ZNF319: variants seen among roughly 807,000 people sequenced by gnomAD.
ZNF319 encodes the protein zinc finger protein 319.
Under a neutral mutation model 46.0 loss-of-function variants are expected in ZNF319, and 15 were observed. That is an observed-to-expected ratio of 0.33 (90% confidence interval 0.22 to 0.50). ZNF319 has a LOEUF of 0.50. ZNF319 is among the 20% of genes least tolerant of loss of function. The probability of loss-of-function intolerance (pLI) is 0.98; values close to 1 mark genes in which losing one functional copy is unlikely to be tolerated. For missense variants in ZNF319, 635 were observed against 807.0 expected (o/e 0.79, Z 2.58); for synonymous variants, 368 against 364.0 (o/e 1.01, Z -0.13).
In ZNF319 at chr16:57,996,596, A is replaced by G; in HGVS notation, c.1670T>C (p.Leu557Ser). The part of the protein sequence containing the change: ...CGERFLDVAL[L>S]QEHSAQHSAA... ...ACTGTGCTGCGCGCTGTGCTCCTGC[A>G]ACAAGGCCACGTCTAGGAAGCGCTC... The change falls in exon 2 of 2, where the codon TTG becomes TCG. Residue 557 changes from leucine (L) to serine (S), a missense_variant. This residue lies in a region of ZNF319 where 270 missense variants were observed against 281.4 expected (regional missense o/e 0.96). Coordinates refer to ENST00000299237, the MANE Select transcript of ZNF319 (RefSeq NM_020807.3). The G allele has an allele frequency of 6.2e-7, 1 of 1,604,434 alleles. No homozygotes were observed. Among genetic ancestry groups the G allele is most frequent in the East Asian group, 2.2e-5 (1 of 44,774 alleles).
Position 57,998,176 on chromosome 16 carries a change from G to T in ZNF319, c.90C>A (p.Ala30=). 1 of 1,564,106 alleles carries T rather than the reference G, an allele frequency of 6.4e-7. No homozygotes were observed. The highest frequency in any genetic ancestry group is 1.2e-5 in the South Asian group (1 of 83,128). Residue 30 remains alanine (A), a synonymous_variant, in exon 2 of 2, where the codon GCC becomes GCA. Coordinates refer to ENST00000299237, the MANE Select transcript of ZNF319 (RefSeq NM_020807.3). ...QPQHHAEPPP[A]LAEHTLPPGT... ...CCGGAGGCAGCGTGTGCTCTGCCAG[G>T]GCTGGCGGTGGCTCTGCATGGTGCT...
In ZNF319 at chr16:57,997,263, G is replaced by A. The variant is rs1295067826; in HGVS notation, c.1003C>T (p.Arg335Cys). ...KRPSDLRQHE[R>C]THSAERPFKC... ...AAGGGCCGCTCGGCGCTGTGTGTGC[G>A]CTCATGCTGCCGCAGGTCCGAGGGC... Residue 335 changes from arginine (R) to cysteine (C), a missense_variant, in exon 2 of 2, where the codon CGC becomes TGC. By Grantham distance (180) the Arg-to-Cys change is radical. Coordinates refer to ENST00000299237, the MANE Select transcript of ZNF319 (RefSeq NM_020807.3). 1 of 1,611,286 alleles carries A rather than the reference G, an allele frequency of 6.2e-7. No homozygotes were observed. The highest frequency in any genetic ancestry group is 8.5e-7 in the Non-Finnish European group (1 of 1,179,860).
At position 57,997,943 on chromosome 16, in the gene ZNF319, T is replaced by A; in HGVS notation, c.323A>T (p.Gln108Leu). 1 of 1,613,592 alleles carries A rather than the reference T, an allele frequency of 6.2e-7. No homozygotes were observed. The highest frequency in any genetic ancestry group is 8.5e-7 in the Non-Finnish European group (1 of 1,180,048). The part of the protein sequence containing the change: ...AGHDRSFQCT[Q>L]CLKIFHQATD... ...GGCCTGGTGGAAGATCTTGAGACAC[T>A]GTGTGCACTGGAATGAGCGGTCATG... Residue 108 changes from glutamine (Q) to leucine (L), a missense_variant, in exon 2 of 2, where the codon CAG becomes CTG. By Grantham distance (113) the Gln-to-Leu change is moderately radical (BLOSUM62 -2). Transcript: ENST00000299237.
Position 57,996,849 on chromosome 16 carries a change from A to G in ZNF319, c.1417T>C (p.Phe473Leu). ...GCCGGATCGCAGCGGTGCTGCACGA[A>G]CTCGGAAGAGGAGAAGAAGCGGCGT... ...CERRFFSSSE[F>L]VQHRCDPARE... Residue 473 changes from phenylalanine (F) to leucine (L), a missense_variant, in exon 2 of 2, where the codon TTC becomes CTC. By Grantham distance (22) the Phe-to-Leu change is conservative. Around this residue, in one of 3 missense-constraint regions of ZNF319, gnomAD observed 270 missense variants for 281.4 expected, o/e 0.96. Coordinates refer to ENST00000299237, the MANE Select transcript of ZNF319 (RefSeq NM_020807.3). 1 of 1,605,544 alleles carries G rather than the reference A, an allele frequency of 6.2e-7. No individual in the cohort carries two copies. The highest frequency in any genetic ancestry group is 8.5e-7 in the Non-Finnish European group (1 of 1,178,496).
At position 57,997,149 on chromosome 16, in the gene ZNF319, A is replaced by T. The variant is rs1343960501; in HGVS notation, c.1117T>A (p.Cys373Ser). 6.2e-7 allele frequency: 1 copy of T among 1,613,634 alleles called. No homozygotes were observed. Among genetic ancestry groups the T allele is most frequent in the African/African-American group, 1.3e-5 (1 of 74,774 alleles). Residue 373 changes from cysteine to serine, a missense_variant, in exon 2 of 2, where the codon TGC becomes AGC. Coordinates refer to ENST00000299237, the MANE Select transcript of ZNF319 (RefSeq NM_020807.3). ...RTHKTEEPFK[C>S]GLCEKGFGQP... is the part of the protein sequence containing the mutation. ...CCAAAGCCCTTCTCACATAGGCCGC[A>T]TTTGAAGGGCTCCTCGGTCTTGTGT...
intron 1 of ZNF319, among the ~76,000 whole-genome samples, chr16:57,999,126 C>A (rs1240136483): frequency 6.6e-6 from 1 of 152,080 alleles, no homozygotes; most frequent in Non-Finnish European, 1.5e-5. Context: ...GGATGGGTGG[C>A]CCTACAGGAA....
Position 57,996,915 on chromosome 16 carries a change from A to G in ZNF319, c.1351T>C (p.Cys451Arg). 6.2e-7 allele frequency: 1 copy of G among 1,601,564 alleles called. No individual in the cohort carries two copies. Among genetic ancestry groups the G allele is most frequent in the Non-Finnish European group, 8.5e-7 (1 of 1,178,776 alleles). The change falls in exon 2 of 2, where the codon TGT becomes CGT. Residue 451 changes from cysteine to arginine, a missense_variant. By Grantham distance (180) the Cys-to-Arg change is radical. Coordinates refer to ENST00000299237, the MANE Select transcript of ZNF319 (RefSeq NM_020807.3). ...CGCAGGGGCTTCTCTGCCGCCGCAC[A>G]GTGGGCCAGCTGGTGCTTCTGCAGG... ...SALQKHQLAHCAAAEKPLRCT... is the reference protein window; with the variant it reads ...SALQKHQLAHRAAAEKPLRCT...
At position 57,997,570 on chromosome 16, in the gene ZNF319, G is replaced by A. The variant is rs1181012294; in HGVS notation, c.696C>T (p.Cys232=). 1.2e-6 allele frequency: 2 copies of A among 1,613,918 alleles called. No individual in the cohort carries two copies. Among genetic ancestry groups the A allele is most frequent in the Non-Finnish European group, 1.7e-6 (2 of 1,179,788 alleles). The change falls in exon 2 of 2, where the codon TGC becomes TGT. Residue 232 remains cysteine, a synonymous_variant. Coordinates refer to ENST00000299237, the MANE Select transcript of ZNF319 (RefSeq NM_020807.3). ...GGCTGAAGCTTTTGTCACACAGCGT[G>A]CACTTGTAGGGCTTCTCACCGGTGT... ...RIHTGEKPYK[C]TLCDKSFSQS... is the part of the protein sequence containing the mutation.
Position 57,997,483 on chromosome 16 carries a change from T to C in ZNF319, c.783A>G (p.Ala261=). The C allele has an allele frequency of 6.2e-7, 1 of 1,605,772 alleles. No homozygotes were observed. Among genetic ancestry groups the C allele is most frequent in the South Asian group, 1.1e-5 (1 of 90,572 alleles). ...GGTGCTTGAAGGTCTTCTCGCAGAC[T>C]GCGCACTTGTAGGGCCGCTCGGAGC... ...THSSERPYKC[A]VCEKTFKHRS... is the part of the protein sequence containing the mutation. The change falls in exon 2 of 2, where the codon GCA becomes GCG. Residue 261 remains alanine, a synonymous_variant. Coordinates refer to ENST00000299237, the MANE Select transcript of ZNF319 (RefSeq NM_020807.3).
chr16:57,998,840 G>C (rs1231738091), intron 1 of ZNF319, among the ~76,000 whole-genome samples: 4 of 152,124 alleles, frequency 2.6e-5, no homozygotes, highest in African/African-American at 9.7e-5. Flanking sequence ...TCACAGGTGA[G>C]AGTCCGGGGT....
chr16:57,994,746 T>C lies in ZNF319; in HGVS notation c.*1771A>G, dbSNP rs1186919444. 1 of 151,766 alleles carries C rather than the reference T, an allele frequency of 6.6e-6. No homozygotes were observed. Among genetic ancestry groups the C allele is most frequent in the African/African-American group, 2.4e-5 (1 of 41,452 alleles). 9.4% of individuals were successfully genotyped at this position (151,766 alleles called of 1,614,324 possible). On this transcript the variant is annotated 3_prime_UTR_variant, in exon 2 of 2. Transcript: ENST00000299237. ...ACTATATATTAACATCAAAAGTGGC[T>C]ACCTAAAATGGAGTCATTCTTTTTA... is the stretch of plus-strand genomic sequence containing the variant.
rs933172798 is a variant in ZNF319 at position 57,997,568 on chromosome 16, G to A, written c.698C>T (p.Thr233Met). 1.2e-6 allele frequency: 2 copies of A among 1,613,882 alleles called. No individual in the cohort carries two copies. Among genetic ancestry groups the A allele is most frequent in the Non-Finnish European group, 1.7e-6 (2 of 1,179,760 alleles). The change falls in exon 2 of 2, where the codon ACG (threonine) becomes ATG (methionine). Residue 233 changes from threonine to methionine, a missense_variant. Around this residue, in one of 3 missense-constraint regions of ZNF319, gnomAD observed 138 missense variants for 248.0 expected, o/e 0.56. Coordinates refer to ENST00000299237, the MANE Select transcript of ZNF319 (RefSeq NM_020807.3). ...CTGGCTGAAGCTTTTGTCACACAGCGTGCACTTGTAGGGCTTCTCACCGGT... is the reference window on the plus strand; with the variant it reads ...CTGGCTGAAGCTTTTGTCACACAGCATGCACTTGTAGGGCTTCTCACCGGT... The part of the protein sequence containing the change: ...IHTGEKPYKC[T>M]LCDKSFSQSS...
rs774359879 is a variant in ZNF319, at chr16:57,997,882, C to T, written c.384G>A (p.Glu128=). 41 of 1,613,484 alleles carry T rather than the reference C, an allele frequency of 2.5e-5. No homozygotes were observed. Among genetic ancestry groups the T allele is most frequent in the Non-Finnish European group, 3.4e-5 (40 of 1,180,038 alleles). Residue 128 remains glutamate, a synonymous_variant, in exon 2 of 2, where the codon GAG becomes GAA. Coordinates refer to ENST00000299237, the MANE Select transcript of ZNF319 (RefSeq NM_020807.3). ...DLLEHQCVQA[E]QKPFVCGVCK... is the part of the protein sequence containing the mutation. ...AGACCCCACAGACGAAGGGCTTCTG[C>T]TCAGCCTGCACGCACTGGTGCTCCA...
chr16:57,997,880 T>C lies in ZNF319; in HGVS notation c.386A>G (p.Gln129Arg), dbSNP rs753092409. ...LLEHQCVQAEQKPFVCGVCKM... is the reference protein window; with the variant it reads ...LLEHQCVQAERKPFVCGVCKM... ...GCAGACCCCACAGACGAAGGGCTTC[T>C]GCTCAGCCTGCACGCACTGGTGCTC... The change falls in exon 2 of 2, where the codon CAG becomes CGG. Residue 129 changes from glutamine to arginine, a missense_variant. Physicochemically the swap from Gln to Arg is conservative, Grantham distance 43 (BLOSUM62 1). This residue lies in a region of ZNF319 where 227 missense variants were observed against 277.5 expected (regional missense o/e 0.82). Transcript: ENST00000299237. 12 of 1,613,374 alleles carry C rather than the reference T, an allele frequency of 7.4e-6. 2 individuals are homozygous for C. In the Admixed American group the frequency reaches 1.8e-4, roughly 25 times the overall value.
Position 57,997,687 on chromosome 16 carries a change from G to C in ZNF319, c.579C>G (p.Thr193=), listed in dbSNP as rs761456041. Residue 193 remains threonine, a synonymous_variant, in exon 2 of 2, where the codon ACC becomes ACG. Transcript: ENST00000299237. ...AGGGCTTGTCGGCCTGTTCAGCAGG[G>C]GTGACAGTGGAAGGCGCGGGTGCTG... ...LPAAPAPSTV[T]PAEQADKPYS... 3.1e-6 allele frequency: 5 copies of C among 1,613,870 alleles called. No homozygotes were observed. The South Asian group carries it at 5.5e-5, about 18-fold the overall frequency.
At position 58,000,244 on chromosome 16, in the gene ZNF319, G is replaced by A. The variant is rs553727650; in HGVS notation, c.-1009C>T. ...GGGCTACAGGCCGGGCCCAGGAAGC[G>A]GCTGCGCCTCGAGGCCCGGCCTGGG... On this transcript the variant is annotated 5_prime_UTR_variant, in exon 1 of 2. Transcript: ENST00000299237. This position sits in a 1 kb window ranked among gnomAD's most constrained non-coding sequence, Gnocchi z 4.5. 3.3e-5 allele frequency among the ~76,000 whole-genome samples: 5 copies of A among 152,178 alleles called. No homozygotes were observed. The highest frequency in any genetic ancestry group is 1.3e-4 in the Admixed American group (2 of 15,296).
chr16:57,996,218 C>T lies in ZNF319; in HGVS notation c.*299G>A, dbSNP rs534229595. 2.8e-5 allele frequency: 12 copies of T among 434,020 alleles called. No homozygotes were observed. Among genetic ancestry groups the T allele is most frequent in the South Asian group, 1.1e-4 (2 of 17,628 alleles). 26.9% of individuals were successfully genotyped at this position (434,020 alleles called of 1,614,324 possible). On this transcript the variant is annotated 3_prime_UTR_variant, in exon 2 of 2. Transcript: ENST00000299237. ...GACTTCCAGCCTGGCTCCAGTGCCC[C>T]GGAAATAAGGGGGGTGCTGATGGCT...
Position 57,997,813 on chromosome 16 carries a change from G to C in ZNF319, c.453C>G (p.His151Gln). 1 of 1,612,686 alleles carries C rather than the reference G, an allele frequency of 6.2e-7. No individual in the cohort carries two copies. ...ACTTCACCAGGCCACTGTGGGAGCT[G>C]TGGTGCTGTGCCAGTGAGGTGAGTA... ...FSLLTSLAQH[H>Q]SSHSGLVKCS... Residue 151 changes from histidine (H) to glutamine (Q), a missense_variant, in exon 2 of 2, where the codon CAC (histidine) becomes CAG (glutamine). Physicochemically the swap from His to Gln is conservative, Grantham distance 24. Transcript: ENST00000299237.
Position 57,997,744 on chromosome 16 carries a change from C to T in ZNF319, c.522G>A (p.Glu174=), listed in dbSNP as rs200765644. 54 of 1,613,336 alleles carry T rather than the reference C, an allele frequency of 3.3e-5. No individual in the cohort carries two copies. The Admixed American group carries it at 8.2e-4, about 24-fold the overall frequency. Residue 174 remains glutamate, a synonymous_variant, in exon 2 of 2, where the codon GAG becomes GAA. Transcript: ENST00000299237. Reference sequence around the variant, plus strand: ...GCGACGGGGCGGCTGTGGTGGCTGGCTCCGCTGCCTCAGCTGGCTTGTAGG... The same window carrying T: ...GCGACGGGGCGGCTGTGGTGGCTGGTTCCGCTGCCTCAGCTGGCTTGTAGG... ...EKTYKPAEAA[E]PATTAAPSLP...
Sources: allele counts gnomAD v4.1 joint callset (sites outside exome capture counted in the v4.1 genomes callset), GRCh38; gene constraint gnomAD v4.1.1; regional missense constraint gnomAD v4.1.1; non-coding constraint Gnocchi (gnomAD v3.1); transcripts MANE v1.5; gene names NCBI Gene and HGNC (gene_info 2026-07-23, HGNC 2026-07-21).